Variants in TAFA2 observed in about 807,000 individuals in gnomAD.
TAFA2 encodes the protein chemokine-like protein TAFA-2.
TAFA2 carries 7 observed loss-of-function variants against 18.8 expected under a neutral mutation model. That is an observed-to-expected ratio of 0.37 (90% confidence interval 0.21 to 0.70). The LOEUF (loss-of-function observed/expected upper bound fraction) is 0.70. TAFA2 is among the 30% of genes least tolerant of loss of function. The pLI is 0.53. For synonymous variants in TAFA2, 60 were observed against 54.2 expected (o/e 1.11, Z -0.47); for missense variants, 122 against 158.1 (o/e 0.77, Z 1.23).
At chr12:62,234,522 T>G (rs1473278207) in intron 1 of TAFA2, 11 of 988,252 alleles carry the variant, frequency 1.1e-5, no homozygotes, top group Non-Finnish European at 1.8e-5. Context: ...CACATTTATA[T>G]GGTCAATGTC....
rs191311359 is a variant in TAFA2 at position 61,926,320 on chromosome 12, G to A, written c.-1-58894C>T. On this transcript the variant is annotated intron_variant, in intron 1 of 4. Coordinates refer to ENST00000416284, the MANE Select transcript of TAFA2 (RefSeq NM_178539.5). Reference sequence around the variant, plus strand: ...AACTATTCCAAACAATAGAAAAAGAGGGACTCCTCCGTAACTCATTTTATG... The same window carrying A: ...AACTATTCCAAACAATAGAAAAAGAAGGACTCCTCCGTAACTCATTTTATG... Among the ~76,000 whole-genome samples, 311 of 152,312 alleles carry A rather than the reference G, an allele frequency of 2.0e-3. 1 individual carries two copies. The highest frequency in any genetic ancestry group is 7.0e-3 in the African/African-American group (290 of 41,570).
chr12:61,861,899 C>G (rs1301234903), intron 2 of TAFA2, among the ~76,000 whole-genome samples: 1 of 152,112 alleles, frequency 6.6e-6, no homozygotes, highest in Non-Finnish European at 1.5e-5. Flanking sequence ...TCACTCAGAC[C>G]AGTAATTAGC....
intron 2 of TAFA2, among the ~76,000 whole-genome samples, chr12:61,780,151 C>T (rs1486879837): frequency 6.6e-6 from 1 of 150,926 alleles, no homozygotes; most frequent in Non-Finnish European, 1.5e-5. Context: ...GGGCAGGAAG[C>T]AGATTAAAAT....
intron 2 of TAFA2, among the ~76,000 whole-genome samples, chr12:61,866,398 C>T (rs1235412016): frequency 6.6e-6 from 1 of 152,088 alleles, no homozygotes; most frequent in African/African-American, 2.4e-5. Context: ...GTCTTAATTC[C>T]CCCTTCTCCC....
intron 1 of TAFA2, among the ~76,000 whole-genome samples, chr12:62,223,680 GA>G (rs1364871989): frequency 4.6e-5 from 7 of 152,002 alleles, no homozygotes; most frequent in Non-Finnish European, 1.5e-5. Flanking sequence ...ATTTGTAGTG[GA>G]AAAAAAGGGA....
At chr12:61,880,402 G>T in intron 1 of TAFA2, 1 of 535,918 alleles carries the variant, frequency 1.9e-6, no homozygotes, top group Non-Finnish European at 3.8e-6. Flanking sequence ...AGGCCGCCCT[G>T]CAGTGGGCCA....
chr12:62,047,118 C>T (rs1383331444), intron 1 of TAFA2, among the ~76,000 whole-genome samples: 1 of 151,980 alleles, frequency 6.6e-6, no homozygotes, highest in Non-Finnish European at 1.5e-5. Flanking sequence ...GAAGCATCAA[C>T]AAGTGTACTG....
At position 62,167,966 on chromosome 12, in the gene TAFA2, A is replaced by G. The variant is rs182741089; in HGVS notation, c.-2+23293T>C. On this transcript the variant is annotated intron_variant, in intron 1 of 4. Coordinates refer to ENST00000416284, the MANE Select transcript of TAFA2 (RefSeq NM_178539.5). Reference sequence around the variant, plus strand: ...GGATTGAAATACATGAAATATGGCTAAATTCTATAAATTCATAATCATACT... The same window carrying G: ...GGATTGAAATACATGAAATATGGCTGAATTCTATAAATTCATAATCATACT... Among the ~76,000 whole-genome samples, 366 of 152,346 alleles carry G rather than the reference A, an allele frequency of 2.4e-3. 4 individuals carry two copies. The highest frequency in any genetic ancestry group is 4.7e-3 in the Non-Finnish European group (317 of 68,030).
At chr12:61,911,261 G>C (rs556373124) in intron 1 of TAFA2, among the ~76,000 whole-genome samples, 1 of 152,090 alleles carries the variant, frequency 6.6e-6, no homozygotes, top group Non-Finnish European at 1.5e-5. Flanking sequence ...TCTTTACTCT[G>C]TACTCCTACC....
intron 1 of TAFA2, among the ~76,000 whole-genome samples, chr12:62,214,272 C>A (rs2062725134): frequency 6.6e-6 from 1 of 152,098 alleles, no homozygotes; most frequent in African/African-American, 2.4e-5. Flanking sequence ...ATTACGGGGG[C>A]AGTTCTTTCC....
chr12:61,715,680 G>A (rs2120562009), intron 4 of TAFA2, among the ~76,000 whole-genome samples: 1 of 151,752 alleles, frequency 6.6e-6, no homozygotes, highest in Non-Finnish European at 1.5e-5. Flanking sequence ...GGCTGAAGCA[G>A]GAGGATTGCC....
intron 1 of TAFA2, among the ~76,000 whole-genome samples, chr12:61,989,926 C>T (rs564778570): frequency 3.9e-4 from 59 of 152,114 alleles, no homozygotes; most frequent in Non-Finnish European, 7.9e-4. Flanking sequence ...TTTCTTCATC[C>T]ATTTCACCTC....
rs537415214 is a variant in TAFA2, at chr12:62,039,893, A to T, written c.-2+151366T>A. ...CAGTAGCTTGAGGTGAGGCCCAAGC[A>T]TTTGCATATCCAAAAATCTCCTAGG... On this transcript the variant is annotated intron_variant, in intron 1 of 4. Transcript: ENST00000416284. Among the ~76,000 whole-genome samples, 21 of 152,298 alleles carry T rather than the reference A, an allele frequency of 1.4e-4. No individual in the cohort carries two copies. The South Asian group carries it at 3.5e-3, about 26-fold the overall frequency.
chr12:62,150,358 A>G (rs2062319309), intron 1 of TAFA2, among the ~76,000 whole-genome samples: 1 of 152,210 alleles, frequency 6.6e-6, no homozygotes. Context: ...AGTAAATAAA[A>G]TAAATTAGCA....
chr12:62,110,901 C>A (rs569491943), intron 1 of TAFA2, among the ~76,000 whole-genome samples: 2 of 151,816 alleles, frequency 1.3e-5, no homozygotes, highest in South Asian at 4.2e-4. Context: ...ATTAGTCTGT[C>A]TAGCAGTCTA....
At chr12:61,900,523 C>T (rs1876051205) in intron 1 of TAFA2, among the ~76,000 whole-genome samples, 3 of 152,168 alleles carry the variant, frequency 2.0e-5, no homozygotes, top group South Asian at 2.1e-4. Flanking sequence ...AGGCAACTTG[C>T]AAACATACTG....
intron 1 of TAFA2, among the ~76,000 whole-genome samples, chr12:61,988,760 C>A (rs935984444): frequency 3.3e-5 from 5 of 152,202 alleles, no homozygotes; most frequent in Admixed American, 1.3e-4. Context: ...AGTACCCCTG[C>A]AAACATACTT....
At chr12:61,965,259 A>G (rs542051677) in intron 1 of TAFA2, among the ~76,000 whole-genome samples, 1 of 151,894 alleles carries the variant, frequency 6.6e-6, no homozygotes, top group African/African-American at 2.4e-5. Flanking sequence ...CCTTTTCACT[A>G]TGTGAGGACA....
intron 1 of TAFA2, among the ~76,000 whole-genome samples, chr12:61,961,055 A>T (rs1196391187): frequency 6.6e-6 from 1 of 151,878 alleles, no homozygotes; most frequent in Admixed American, 6.6e-5. Context: ...CATGATTGTA[A>T]GTTTCCTGGT....
Sources: allele counts gnomAD v4.1 joint callset (sites outside exome capture counted in the v4.1 genomes callset), GRCh38; gene constraint gnomAD v4.1.1; transcripts MANE v1.5; gene names NCBI Gene and HGNC (gene_info 2026-07-23, HGNC 2026-07-21).